The following USH2A variants were observed in gnomAD, a reference collection of about 807,000 sequenced individuals.
The protein encoded by USH2A is usherin.
Under a neutral mutation model 538.9 loss-of-function variants are expected in USH2A, and 443 were observed. The observed-to-expected ratio is 0.82, with a 90% CI of 0.76 to 0.89. USH2A has a LOEUF of 0.89. USH2A is among the 40% of genes least tolerant of loss of function. The pLI, the probability that USH2A is intolerant of heterozygous loss-of-function variation, is 0.00. For synonymous variants in USH2A, 2,413 were observed against 2,273.5 expected, an observed-to-expected ratio of 1.06 and a Z score of -1.75; for missense variants, 6,633 against 6,324.8, an observed-to-expected ratio of 1.05 and a Z score of -1.65.
chr1:216,185,308 TC>T (rs749183743), intron 20 of USH2A, among the ~76,000 whole-genome samples: 3 of 151,914 alleles, frequency 2.0e-5, no homozygotes, highest in Non-Finnish European at 2.9e-5. Flanking sequence ...ATGTACCCAT[TC>T]TAATCATATA....
chr1:216,398,210 T>C (rs1307017706), intron 3 of USH2A, among the ~76,000 whole-genome samples: 1 of 152,128 alleles, frequency 6.6e-6, no homozygotes, highest in African/African-American at 2.4e-5. Context: ...GCCTTATTCC[T>C]CCCAGTTCTC....
chr1:216,312,631 T>C (rs2037442315), intron 9 of USH2A, among the ~76,000 whole-genome samples: 1 of 152,006 alleles, frequency 6.6e-6, no homozygotes, highest in African/African-American at 2.4e-5. Flanking sequence ...CTAGCTTTTC[T>C]TTTTGCTTCT....
intron 38 of USH2A, among the ~76,000 whole-genome samples, chr1:215,911,596 C>A (rs1387071363): frequency 6.6e-6 from 1 of 151,974 alleles, no homozygotes; most frequent in Non-Finnish European, 1.5e-5. Flanking sequence ...TTTGTTTATC[C>A]ATCCATCTGC....
intron 61 of USH2A, among the ~76,000 whole-genome samples, chr1:215,707,983 C>A (rs576731448): frequency 4.3e-4 from 66 of 152,150 alleles, no homozygotes; most frequent in African/African-American, 1.6e-3. Flanking sequence ...AACATGTGAA[C>A]AATTAAAACA....
intron 3 of USH2A, among the ~76,000 whole-genome samples, chr1:216,411,844 T>G (rs1021157229): frequency 5.3e-4 from 81 of 152,274 alleles, no homozygotes; most frequent in Admixed American, 5.2e-4. Context: ...TTAACTGTTG[T>G]GTTAAGCCAC....
chr1:216,044,296 C>T (rs2030422042), intron 32 of USH2A, among the ~76,000 whole-genome samples: 1 of 152,056 alleles, frequency 6.6e-6, no homozygotes, highest in Non-Finnish European at 1.5e-5. Context: ...TATGATATCC[C>T]ATTACATGCA....
At chr1:216,247,329 T>C (rs2036072530) in intron 12 of USH2A, 103 bp from the exon 13 acceptor site, 1 of 1,437,942 alleles carries the variant, frequency 7.0e-7, no homozygotes, top group South Asian at 1.2e-5. Context: ...ACACAAAATA[T>C]TGAGTGTTTT....
At chr1:215,854,658 C>T (rs1371736877) in intron 44 of USH2A, among the ~76,000 whole-genome samples, 1 of 152,188 alleles carries the variant, frequency 6.6e-6, no homozygotes, top group Non-Finnish European at 1.5e-5. Context: ...CGGCAAAGTG[C>T]ACGGAGCTTT....
At chr1:215,974,706 G>A (rs965742116) in intron 35 of USH2A, among the ~76,000 whole-genome samples, 1 of 152,124 alleles carries the variant, frequency 6.6e-6, no homozygotes, top group South Asian at 2.1e-4. Flanking sequence ...ATTTCGTAGT[G>A]TATATGTATC....
intron 50 of USH2A, among the ~76,000 whole-genome samples, chr1:215,796,092 A>T (rs1008625522): frequency 6.6e-6 from 1 of 152,196 alleles, no homozygotes; most frequent in Non-Finnish European, 1.5e-5. Flanking sequence ...AAGTCAATTT[A>T]ATTTTCTTTC....
chr1:216,132,082 A>G (rs139456335), intron 21 of USH2A, among the ~76,000 whole-genome samples: 45 of 152,094 alleles, frequency 3.0e-4, no homozygotes, highest in African/African-American at 1.1e-3. Flanking sequence ...CTCTACATAC[A>G]ACCTCTCATT....
At chr1:216,303,645 T>C (rs2037256912) in intron 9 of USH2A, among the ~76,000 whole-genome samples, 1 of 152,022 alleles carries the variant, frequency 6.6e-6, no homozygotes, top group Non-Finnish European at 1.5e-5. Context: ...AAAATGTCTA[T>C]ACTATTTATA....
intron 61 of USH2A, among the ~76,000 whole-genome samples, chr1:215,724,071 GATATCTATATCT>G (rs71159882): frequency 1.2e-4 from 18 of 150,926 alleles, no homozygotes; most frequent in East Asian, 9.8e-4. Context: ...AACAGAATGT[GATATCTATATCT>G]ATATCTATAT....
At chr1:216,113,147 A>C (rs2032916784) in intron 21 of USH2A, among the ~76,000 whole-genome samples, 1 of 151,544 alleles carries the variant, frequency 6.6e-6, no homozygotes, top group Non-Finnish European at 1.5e-5. Flanking sequence ...TAAAAAAAAA[A>C]AAAAAAAAAC....
In USH2A at chr1:215,876,920, G is replaced by T. The variant is rs721098; in HGVS notation, c.8681+838C>A. Among the ~76,000 whole-genome samples, 5 of 152,102 alleles carry T rather than the reference G, an allele frequency of 3.3e-5. No individual in the cohort carries two copies. In the South Asian group the frequency reaches 1.0e-3, roughly 32 times the overall value. ...GAGACAAGGCTAGAATGGTAAACAG[G>T]GTTCAGACTACAGCTACCCAGTGGT... is the stretch of plus-strand genomic sequence containing the variant. On this transcript the variant is annotated intron_variant, in intron 43 of 71. Transcript: ENST00000307340.
intron 37 of USH2A, among the ~76,000 whole-genome samples, chr1:215,935,542 C>G (rs189199225): frequency 6.6e-6 from 1 of 152,090 alleles, no homozygotes; most frequent in East Asian, 1.9e-4. Flanking sequence ...CCTTCCAAAG[C>G]TTTAGCAAAC....
chr1:216,069,966 G>A (rs1384721471), intron 30 of USH2A, 135 bp downstream of exon 30: 10 of 1,027,780 alleles, frequency 9.7e-6, no homozygotes, highest in Non-Finnish European at 1.5e-5. Context: ...ACTTTAGATG[G>A]GTGTTGTTTT....
chr1:216,082,278 CGAAGATTCATAGACATTACATTTCAGA>C (rs562943334), intron 26 of USH2A, among the ~76,000 whole-genome samples: 4 of 151,846 alleles, frequency 2.6e-5, no homozygotes, highest in Non-Finnish European at 5.9e-5. Flanking sequence ...TACGTTTCAG[CGAAGATTCATAGACATTACATTTCAGA>C]GAAGATTCAT....
chr1:216,134,717 T>A (rs1276336660), intron 21 of USH2A, among the ~76,000 whole-genome samples: 1 of 152,084 alleles, frequency 6.6e-6, no homozygotes, highest in South Asian at 2.1e-4. Context: ...CAGAAAAAAG[T>A]CATTTTGCCC....
Sources: gnomAD v4.1 joint callset for allele counts (sites outside exome capture counted in the v4.1 genomes callset) on GRCh38, gnomAD v4.1.1 for gene constraint, MANE v1.5 for transcripts, NCBI Gene and HGNC (gene_info 2026-07-23, HGNC 2026-07-21) for gene names.